Variants in ADCY10 observed in about 807,000 individuals in gnomAD.
ADCY10 encodes the protein adenylate cyclase 10, also known as adenylate cyclase type 10.
Under a neutral mutation model 183.3 loss-of-function variants are expected in ADCY10, and 156 were observed. That is an observed-to-expected ratio of 0.85 (90% CI 0.75 to 0.97). The LOEUF is 0.97. Ranked by LOEUF, ADCY10 falls within the 50% of genes least tolerant of loss-of-function variation. ADCY10 has a pLI of 0.00. For synonymous variants in ADCY10, 645 were observed against 670.0 expected, an observed-to-expected ratio of 0.96 and a Z score of 0.58; for missense variants, 1,745 against 1,934.3, an observed-to-expected ratio of 0.90 and a Z score of 1.84.
chr1:167,835,573 C>T (rs1310225764), intron 23 of ADCY10, among the ~76,000 whole-genome samples: 1 of 152,102 alleles, frequency 6.6e-6, no homozygotes, highest in Non-Finnish European at 1.5e-5. Flanking sequence ...GCAGGGAGAG[C>T]CTCTTTGGGG....
At chr1:167,845,948 C>G (rs533189792) in intron 20 of ADCY10, 37 bp downstream of exon 20, 13 of 1,613,966 alleles carry the variant, frequency 8.1e-6, no homozygotes, top group Non-Finnish European at 1.1e-5. Context: ...TAGATGGGTC[C>G]TTAAGAGGAA....
intron 16 of ADCY10, among the ~76,000 whole-genome samples, chr1:167,858,640 C>T (rs973062167): frequency 2.0e-5 from 3 of 151,912 alleles, no homozygotes; most frequent in Non-Finnish European, 2.9e-5. Flanking sequence ...CTTACAGAAG[C>T]CTGGTGGAAG....
intron 17 of ADCY10, 142 bp from the exon 18 acceptor site, chr1:167,854,631 C>T (rs1665753223): frequency 2.0e-6 from 2 of 1,020,486 alleles, no homozygotes; most frequent in African/African-American, 3.2e-5. Flanking sequence ...TGAGGCATTG[C>T]TTTGTTTTCT....
intron 16 of ADCY10, among the ~76,000 whole-genome samples, chr1:167,857,963 G>C (rs968938346): frequency 1.3e-5 from 2 of 152,186 alleles, no homozygotes; most frequent in African/African-American, 4.8e-5. Flanking sequence ...TTTAGAGTTA[G>C]AACTCACAAA....
chr1:167,875,711 G>C (rs546865273), intron 12 of ADCY10, among the ~76,000 whole-genome samples: 1 of 152,204 alleles, frequency 6.6e-6, no homozygotes, highest in Non-Finnish European at 1.5e-5. Context: ...AGCCCTTTGG[G>C]AGGCCGAGGT....
In ADCY10 at chr1:167,823,091, A is replaced by G. The variant is rs1663016853; in HGVS notation, c.4085T>C (p.Leu1362Pro). The G allele has an allele frequency of 6.2e-7, 1 of 1,614,048 alleles. No individual in the cohort carries two copies. The highest frequency in any genetic ancestry group is 1.3e-5 in the African/African-American group (1 of 74,928). Residue 1362 changes from leucine to proline, a missense_variant, in exon 29 of 33, where the codon CTG becomes CCG. Coordinates refer to ENST00000367851, the MANE Select transcript of ADCY10 (RefSeq NM_018417.6). ...YPQLIQVLGR[L>P]WELSVTQEHI... ...TTCCTGTGTTACAGAAAGCTCCCAC[A>G]GCCGCCCCAGCACCTGGATCAATTG... is the stretch of plus-strand genomic sequence containing the variant.
chr1:167,830,137 T>C (rs1319915538), intron 25 of ADCY10, among the ~76,000 whole-genome samples: 1 of 152,188 alleles, frequency 6.6e-6, no homozygotes, highest in Non-Finnish European at 1.5e-5. Context: ...AGTGCCTATT[T>C]ACTGAGTGTG....
chr1:167,837,430 C>A, intron 21 of ADCY10, 112 bp from the exon 22 acceptor site: 1 of 871,868 alleles, frequency 1.1e-6, no homozygotes, highest in Non-Finnish European at 1.9e-6. Flanking sequence ...GCTGCCCAGC[C>A]AGAAACCACA....
At position 167,836,497 on chromosome 1, in the gene ADCY10, C is replaced by T. The variant is rs202210889; in HGVS notation, c.3121G>A (p.Val1041Ile). The T allele has an allele frequency of 5.6e-6, 9 of 1,613,988 alleles. No homozygotes were observed. Among genetic ancestry groups the T allele is most frequent in the African/African-American group, 4.0e-5 (3 of 75,052 alleles). The change falls in exon 23 of 33, where the codon GTT (valine) becomes ATT (isoleucine). Residue 1041 changes from valine (V) to isoleucine (I), a missense_variant. Transcript: ENST00000367851. ...TCAGATGTCTTCATTTTTGTTAAAA[C>T]GTGGTCAAAGAAATTCAAGATCTTT... is the stretch of plus-strand genomic sequence containing the variant. The part of the protein sequence containing the change: ...REKILNFFDH[V>I]LTKMKTSDED...
intron 18 of ADCY10, among the ~76,000 whole-genome samples, chr1:167,852,308 G>A (rs999173206): frequency 2.6e-5 from 4 of 152,160 alleles, no homozygotes; most frequent in African/African-American, 9.7e-5. Flanking sequence ...CTGGGCGGTA[G>A]TGGTGCATGC....
rs911299858 is a variant in ADCY10 at position 167,823,016 on chromosome 1, A to T, written c.4160T>A (p.Leu1387His). Reference sequence around the variant, plus strand: ...CCCAAACCCACACTTACCAGAATAAAGCAGGATGTCCAAGCAGACAAAATA... The same window carrying T: ...CCCAAACCCACACTTACCAGAATAATGCAGGATGTCCAAGCAGACAAAATA... ...FFYFVCLDIL[L>H]YSGFVYRTFE... Residue 1387 changes from leucine (L) to histidine (H), a missense_variant, in exon 29 of 33, where the codon CTT (leucine) becomes CAT (histidine). Transcript: ENST00000367851. 1.2e-6 allele frequency: 2 copies of T among 1,614,006 alleles called. No individual in the cohort carries two copies. The highest frequency in any genetic ancestry group is 1.7e-6 in the Non-Finnish European group (2 of 1,179,920).
At chr1:167,823,318 G>A (rs1663041795) in intron 28 of ADCY10, among the ~76,000 whole-genome samples, 195 bp from the exon 29 acceptor site, 1 of 151,822 alleles carries the variant, frequency 6.6e-6, no homozygotes, top group African/African-American at 2.4e-5. Context: ...CCAGCTACTT[G>A]GGAGGCTGAG....
At chr1:167,907,944 C>G (rs991593925) in intron 1 of ADCY10, among the ~76,000 whole-genome samples, 10 of 151,960 alleles carry the variant, frequency 6.6e-5, no homozygotes, top group Admixed American at 6.6e-4. Context: ...TCCATGGGCA[C>G]GATAGAAGAC....
chr1:167,835,920 C>T (rs931819593), intron 23 of ADCY10, among the ~76,000 whole-genome samples: 1 of 152,030 alleles, frequency 6.6e-6, no homozygotes, highest in African/African-American at 2.4e-5. Context: ...TGCACTTATC[C>T]AAAGACCTAC....
chr1:167,880,191 T>A lies in ADCY10; in HGVS notation c.1140A>T (p.Gln380His). 1 of 1,612,472 alleles carries A rather than the reference T, an allele frequency of 6.2e-7. No homozygotes were observed. Among genetic ancestry groups the A allele is most frequent in the Non-Finnish European group, 8.5e-7 (1 of 1,179,192 alleles). ...CACTGGCAACACCGATGGATACAGT[T>A]CTGGTGCAGGGGAGACAAGATTTGT... Reference protein sequence around the residue: ...FDFCSQVHKIQTVSIGVASGI... With the variant: ...FDFCSQVHKIHTVSIGVASGI... The change falls in exon 11 of 33, where the codon CAA becomes CAT. Residue 380 changes from glutamine to histidine, a missense_variant and splice_region_variant. Gln to His is a conservative substitution (Grantham distance 24). Transcript: ENST00000367851.
chr1:167,810,781 G>A lies in ADCY10; in HGVS notation c.4615C>T (p.Arg1539Trp), dbSNP rs150827904. The change falls in exon 32 of 33, where the codon CGG becomes TGG. Residue 1539 changes from arginine (R) to tryptophan (W), a missense_variant. Transcript: ENST00000367851. ...ATATTCCCCTGTGTTTCAGAGAGCC[G>A]CAAGGCTGTGTTCAGGAAGAGGCCA... is the stretch of plus-strand genomic sequence containing the variant. ...KCGLFLNTAL[R>W]LSETQGNILE... 5.3e-5 allele frequency: 85 copies of A among 1,614,154 alleles called. No homozygotes were observed. The highest frequency in any genetic ancestry group is 4.8e-4 in the African/African-American group (36 of 75,040).
chr1:167,817,915 G>A (rs1662626532), intron 31 of ADCY10, among the ~76,000 whole-genome samples, 157 bp downstream of exon 31: 1 of 152,172 alleles, frequency 6.6e-6, no homozygotes, highest in African/African-American at 2.4e-5. Context: ...AAGGTTATGG[G>A]CAATTTATAT....
chr1:167,876,257 C>CAAAA (rs71301004), intron 12 of ADCY10, among the ~76,000 whole-genome samples: 2 of 85,130 alleles, frequency 2.3e-5, no homozygotes, highest in Non-Finnish European at 2.4e-5. Context: ...AGCTCCATCT[C>CAAAA]AAAAAAAAAA....
chr1:167,858,391 G>A (rs534090734), intron 16 of ADCY10, among the ~76,000 whole-genome samples: 11 of 151,444 alleles, frequency 7.3e-5, no homozygotes, highest in East Asian at 1.9e-4. Context: ...CCAGCTAGTC[G>A]GGAGGCTGAG....
Sources: gnomAD v4.1 joint callset for allele counts (sites outside exome capture counted in the v4.1 genomes callset) on GRCh38, gnomAD v4.1.1 for gene constraint, MANE v1.5 for transcripts, NCBI Gene and HGNC (gene_info 2026-07-23, HGNC 2026-07-21) for gene names.